SRP68: variants seen among roughly 807,000 people sequenced by gnomAD.
SRP68 encodes signal recognition particle 68.
A neutral mutation model predicts 82.2 loss-of-function variants in SRP68; 15 were observed. The observed-to-expected ratio is 0.18, with a 90% confidence interval of 0.12 to 0.28. The LOEUF (loss-of-function observed/expected upper bound fraction) is 0.28, where lower values mean the gene tolerates loss of function less well. Among genes scored for constraint, SRP68 ranks in the 10% least tolerant of loss-of-function variants. SRP68 has a pLI of 1.00. For missense variants in SRP68, 595 were observed against 780.5 expected, an observed-to-expected ratio of 0.76 and a Z score of 2.83; for synonymous variants, 261 against 292.6, an observed-to-expected ratio of 0.89 and a Z score of 1.10.
At chr17:76,045,470 A>G in intron 11 of SRP68, 84 bp from the exon 12 acceptor site, 1 of 1,034,154 alleles carries the variant, frequency 9.7e-7, no homozygotes, top group Non-Finnish European at 1.4e-6. Flanking sequence ...AGAACGGACA[A>G]GAGTGAGGAA....
In SRP68 at chr17:76,039,457, G is replaced by GC. The variant is rs1344652084; in HGVS notation, c.*248dup. 8 of 646,650 alleles carry GC rather than the reference G, an allele frequency of 1.2e-5. No homozygotes were observed. The highest frequency in any genetic ancestry group is 1.1e-4 in the South Asian group (7 of 65,166). The allele number at this position is 646,650 out of a possible 1,614,324, so 40.1% of individuals were successfully genotyped here. On this transcript the variant is annotated 3_prime_UTR_variant, in exon 16 of 16. Transcript: ENST00000307877. ...GCTCACAGGGCACCAGACAGCAGCG[G>GC]CCCCTTTCCCAGGAGGTACAGGAGA...
chr17:76,066,891 G>C (rs11077802), intron 3 of SRP68, among the ~76,000 whole-genome samples: 152,242 of 152,242 alleles, frequency 1, 76,121 homozygotes, highest in Non-Finnish European at 1. Context: ...CCATGCCCGG[G>C]TAATTTTTAT....
intron 3 of SRP68, among the ~76,000 whole-genome samples, chr17:76,064,505 C>T (rs890972908): frequency 1.3e-5 from 2 of 152,098 alleles, no homozygotes; most frequent in Non-Finnish European, 2.9e-5. Context: ...ATTTTTGAAT[C>T]AACACTTCCT....
chr17:76,061,797 A>C (rs543438230), intron 4 of SRP68: 598 of 291,784 alleles, frequency 2.0e-3, no homozygotes, highest in Non-Finnish European at 3.2e-3. Flanking sequence ...CTGCCTCTAC[A>C]AAAAAATTTA....
At chr17:76,040,627 G>A in intron 14 of SRP68, 153 bp from the exon 15 acceptor site, 1 of 763,140 alleles carries the variant, frequency 1.3e-6, no homozygotes, top group Non-Finnish European at 2.2e-6. Context: ...AGAAGTGGTG[G>A]AGATAAACAG....
intron 8 of SRP68, among the ~76,000 whole-genome samples, chr17:76,055,398 C>T (rs943563775): frequency 1.3e-5 from 2 of 152,120 alleles, no homozygotes; most frequent in African/African-American, 2.4e-5. Context: ...GCAGTGTACA[C>T]GGTACCCAAT....
rs1555630547 is a variant in SRP68, at chr17:76,072,414, A to C, written c.78T>G (p.Gly26=). 1 of 1,580,616 alleles carries C rather than the reference A, an allele frequency of 6.3e-7. No homozygotes were observed. The highest frequency in any genetic ancestry group is 2.0e-4 in the Middle Eastern group (1 of 4,922). The stretch of plus-strand genomic sequence containing the variant: ...CTCCGGCACCACGTCCACCGCCGCT[A>C]CCGCCGCCGCCACTGCCACCGCCGC... ...SGGGGGSGGG[G]SGGGRGAGGE... is the part of the protein sequence containing the mutation. Residue 26 remains glycine (G), a synonymous_variant, in exon 1 of 16, where the codon GGT becomes GGG. Transcript: ENST00000307877. This position sits in a 1 kb window ranked among gnomAD's most constrained non-coding sequence, Gnocchi z 4.5.
intron 3 of SRP68, 92 bp from the exon 4 acceptor site, chr17:76,064,263 T>A (rs2066790439): frequency 8.6e-7 from 1 of 1,163,522 alleles, no homozygotes; most frequent in African/African-American, 1.5e-5. Flanking sequence ...CGGCTTTTCT[T>A]TATACTCTCC....
At chr17:76,048,688 C>G (rs936335224) in intron 9 of SRP68, 2 of 152,244 alleles carry the variant, frequency 1.3e-5, no homozygotes, top group African/African-American at 4.8e-5. Context: ...TCTAAAGGAA[C>G]ACAGCCCTGT....
rs570886897 is a variant in SRP68 at position 76,063,005 on chromosome 17, T to C, written c.561+971A>G. Among the ~76,000 whole-genome samples the C allele has an allele frequency of 4.6e-3, 693 of 151,128 alleles. 3 individuals are homozygous for C. The highest frequency in any genetic ancestry group is 9.2e-3 in the South Asian group (44 of 4,800). ...CAGGATGGTCTCGATCTCCTGACTT[T>C]GTGATCTGCCCACCTTGGCCTCCCA... On this transcript the variant is annotated intron_variant, in intron 4 of 15. Transcript: ENST00000307877.
At chr17:76,065,155 A>G (rs2066797083) in intron 3 of SRP68, among the ~76,000 whole-genome samples, 1 of 152,074 alleles carries the variant, frequency 6.6e-6, no homozygotes. Flanking sequence ...TCTTGCTATC[A>G]TAAGATAGTC....
chr17:76,043,838 G>T lies in SRP68; in HGVS notation c.1515C>A (p.Asn505Lys). The change falls in exon 13 of 16, where the codon AAC (asparagine) becomes AAA (lysine). Residue 505 changes from asparagine to lysine, a missense_variant. Asn to Lys is a moderately conservative substitution (Grantham distance 94). Around this residue, in one of 2 missense-constraint regions of SRP68, gnomAD observed 495 missense variants for 688.6 expected, o/e 0.72. Transcript: ENST00000307877. ...EVNSDAGAFK[N>K]SLKDLPDVQE... is the part of the protein sequence containing the mutation. ...GAGGCCAACCTCTCACCTTTAGGCT[G>T]TTCTTGAAGGCGCCAGCATCAGAAT... 1 of 1,603,122 alleles carries T rather than the reference G, an allele frequency of 6.2e-7. No individual in the cohort carries two copies. The highest frequency in any genetic ancestry group is 8.5e-7 in the Non-Finnish European group (1 of 1,176,944).
intron 4 of SRP68, among the ~76,000 whole-genome samples, chr17:76,063,686 T>TG (rs2066786031): frequency 7.1e-6 from 1 of 141,090 alleles, no homozygotes. Context: ...AGACTCTGTC[T>TG]GAAAAAAAAA....
Position 76,067,290 on chromosome 17 carries a change from G to C in SRP68, c.292C>G (p.Leu98Val), listed in dbSNP as rs546469786. 6.2e-7 allele frequency: 1 copy of C among 1,613,322 alleles called. No homozygotes were observed. The highest frequency in any genetic ancestry group is 1.3e-5 in the African/African-American group (1 of 74,978). ...TGTCTGTTACCCATCTTGAAGTTGA[G>C]TGTTTTTCGAAGACGTCTTTGTCTA... Reference protein sequence around the residue: ...SRRQRRLRKTLNFKMGNRHKF... With the variant: ...SRRQRRLRKTVNFKMGNRHKF... The change falls in exon 3 of 16, where the codon CTC (leucine) becomes GTC (valine). Residue 98 changes from leucine to valine, a missense_variant. Leu to Val is a conservative substitution (Grantham distance 32). Transcript: ENST00000307877.
intron 7 of SRP68, 58 bp from the exon 8 acceptor site, chr17:76,057,601 A>C: frequency 6.3e-7 from 1 of 1,575,558 alleles, no homozygotes; most frequent in Non-Finnish European, 8.7e-7. Context: ...GATGGAGGTG[A>C]AAATAAGTGG....
At position 76,057,433 on chromosome 17, in the gene SRP68, T is replaced by C. The variant is rs775214112; in HGVS notation, c.948A>G (p.Gly316=). 19 of 1,614,016 alleles carry C rather than the reference T, an allele frequency of 1.2e-5. No homozygotes were observed. The highest frequency in any genetic ancestry group is 1.3e-5 in the Non-Finnish European group (15 of 1,180,032). The change falls in exon 8 of 16, where the codon GGA becomes GGG. Residue 316 remains glycine, a synonymous_variant. Coordinates refer to ENST00000307877, the MANE Select transcript of SRP68 (RefSeq NM_014230.4). ...KIDKVRIFLL[G]LADNEAAIVQ... Reference sequence around the variant, plus strand: ...CAATAGCTGCTTCGTTATCAGCCAGTCCTAATAAGAAAATGCGCACTTTGT... The same window carrying C: ...CAATAGCTGCTTCGTTATCAGCCAGCCCTAATAAGAAAATGCGCACTTTGT...
intron 9 of SRP68, chr17:76,049,395 TG>T (rs1411781251): frequency 6.6e-6 from 1 of 151,922 alleles, no homozygotes; most frequent in Admixed American, 6.6e-5. Flanking sequence ...TTTGGACAGG[TG>T]AAGAGGGGCA....
intron 7 of SRP68, among the ~76,000 whole-genome samples, 178 bp downstream of exon 7, chr17:76,060,125 CAAAAA>C (rs1168111688): frequency 8.3e-4 from 24 of 28,790 alleles, no homozygotes; most frequent in East Asian, 3.0e-3. Flanking sequence ...GACTCCATCT[CAAAAA>C]AAAAAAAAAA....
At chr17:76,049,388 G>A (rs1456308647) in intron 9 of SRP68, 9 of 152,180 alleles carry the variant, frequency 5.9e-5, no homozygotes, top group Admixed American at 5.9e-4. Context: ...GATGGGGTTT[G>A]GACAGGTGAA....
Sources: gnomAD v4.1 joint callset for allele counts (sites outside exome capture counted in the v4.1 genomes callset) on GRCh38, gnomAD v4.1.1 for gene constraint, gnomAD v4.1.1 regional missense constraint, Gnocchi (gnomAD v3.1) non-coding constraint, MANE v1.5 for transcripts, NCBI Gene and HGNC (gene_info 2026-07-23, HGNC 2026-07-21) for gene names.